The following HACD1 variants were observed in gnomAD, a reference collection of about 807,000 sequenced individuals.
HACD1 encodes very-long-chain (3R)-3-hydroxyacyl-CoA dehydratase 1.
In HACD1, 41 loss-of-function variants were observed where a neutral mutation model predicts 32.0. That is an observed-to-expected ratio of 1.28 (90% CI 1.00 to 1.66). HACD1 has a LOEUF of 1.66. Among genes scored for constraint, HACD1 ranks in the 40% most tolerant of loss-of-function variants. The pLI is 0.00. For missense variants in HACD1, 396 were observed against 380.1 expected (o/e 1.04, Z -0.35); for synonymous variants, 142 against 139.0 (o/e 1.02, Z -0.15).
At chr10:17,592,171 G>A (rs897110490) in intron 6 of HACD1, among the ~76,000 whole-genome samples, 27 of 151,428 alleles carry the variant, frequency 1.8e-4, no homozygotes, top group African/African-American at 6.1e-4. Flanking sequence ...TAGTAGAGAC[G>A]GGGTTTCACC....
At chr10:17,604,937 C>T (rs539158449) in intron 1 of HACD1, among the ~76,000 whole-genome samples, 2 of 152,272 alleles carry the variant, frequency 1.3e-5, no homozygotes, top group East Asian at 1.9e-4. Flanking sequence ...AACTCCTGAA[C>T]TCAAGTGATC....
At position 17,590,385 on chromosome 10, in the gene HACD1, C is replaced by G; in HGVS notation, c.846G>C (p.Val282=). The G allele has an allele frequency of 1.2e-6, 2 of 1,600,016 alleles. No individual in the cohort carries two copies. The highest frequency in any genetic ancestry group is 1.7e-6 in the Non-Finnish European group (2 of 1,170,452). ...RQRRKVLHGE[V]IVEKDD ...TCATTTAATCATCCTTTTCTACAAT[C>G]ACCTCTCCATGAAGCACCTTTCTTC... The change falls in exon 7 of 7, where the codon GTG becomes GTC. Residue 282 remains valine (V), a synonymous_variant. Transcript: ENST00000361271.
At chr10:17,603,703 A>T (rs782105070) in intron 3 of HACD1, 23 bp downstream of exon 3, 1 of 1,604,740 alleles carries the variant, frequency 6.2e-7, no homozygotes, top group South Asian at 1.1e-5. Context: ...TAATAAAAGT[A>T]TAAAATTGAA....
intron 1 of HACD1, among the ~76,000 whole-genome samples, 177 bp downstream of exon 1, chr10:17,616,901 GGGCCC>G (rs1323780589): frequency 6.6e-6 from 1 of 152,052 alleles, no homozygotes; most frequent in Non-Finnish European, 1.5e-5. Context: ...CAGGCGCGCA[GGGCCC>G]GGCCCCCCCG....
rs531344165 is a variant in HACD1, at chr10:17,616,560, C to T, written c.257+523G>A. Among the ~76,000 whole-genome samples the T allele has an allele frequency of 7.9e-5, 12 of 151,464 alleles. 1 individual carries two copies. In the South Asian group the frequency reaches 2.3e-3, roughly 29 times the overall value. On this transcript the variant is annotated intron_variant, in intron 1 of 6. Transcript: ENST00000361271. ...CACGGAGCCTGAGGCCATAAAGATG[C>T]TGGGCAGGAGCTCCACGCTGGGATA...
intron 1 of HACD1, among the ~76,000 whole-genome samples, chr10:17,609,349 T>C (rs1554817295): frequency 6.6e-6 from 1 of 151,726 alleles, no homozygotes; most frequent in Non-Finnish European, 1.5e-5. Context: ...GAAATGGGGT[T>C]TCACCGTGTT....
chr10:17,592,776 G>GCATC (rs1345322998), intron 6 of HACD1, among the ~76,000 whole-genome samples: 1 of 152,166 alleles, frequency 6.6e-6, no homozygotes, highest in Admixed American at 6.6e-5. Context: ...AATAGAGTAG[G>GCATC]CATCCCCTCC....
At chr10:17,605,527 GAAAAA>G (rs200314155) in intron 1 of HACD1, among the ~76,000 whole-genome samples, 1 of 126,552 alleles carries the variant, frequency 7.9e-6, no homozygotes, top group African/African-American at 2.9e-5. Flanking sequence ...TCCATCTCGG[GAAAAA>G]AAAAAAAAAA....
chr10:17,597,368 C>A (rs1364647487), intron 5 of HACD1, among the ~76,000 whole-genome samples: 1 of 152,170 alleles, frequency 6.6e-6, no homozygotes, highest in Non-Finnish European at 1.5e-5. Context: ...GAACTCCTGA[C>A]CTCAAGTGAT....
At chr10:17,609,844 C>T (rs1200381129) in intron 1 of HACD1, among the ~76,000 whole-genome samples, 1 of 151,874 alleles carries the variant, frequency 6.6e-6, no homozygotes, top group Non-Finnish European at 1.5e-5. Context: ...ATTAGCCAGG[C>T]ATGGTGGTGC....
At chr10:17,603,694 A>G in intron 3 of HACD1, 32 bp downstream of exon 3, 1 of 1,603,912 alleles carries the variant, frequency 6.2e-7, no homozygotes, top group South Asian at 1.1e-5. Flanking sequence ...GGCAATTTAT[A>G]ATAAAAGTAT....
At chr10:17,604,704 C>T (rs7917274) in intron 1 of HACD1, among the ~76,000 whole-genome samples, 1,777 of 152,060 alleles carry the variant, frequency 0.012, 29 homozygotes, top group African/African-American at 0.04. Flanking sequence ...TAACAAAGAA[C>T]AATTATTGGC....
chr10:17,613,988 G>C (rs1436761843), intron 1 of HACD1, among the ~76,000 whole-genome samples: 2 of 152,232 alleles, frequency 1.3e-5, no homozygotes, highest in Admixed American at 6.5e-5. Flanking sequence ...CAGATAGCCT[G>C]AATCCCTTAG....
chr10:17,614,448 G>T (rs1487001425), intron 1 of HACD1, among the ~76,000 whole-genome samples: 2 of 148,970 alleles, frequency 1.3e-5, no homozygotes, highest in African/African-American at 5.0e-5. Context: ...ATAGAGACGG[G>T]GTTTTGCCAT....
intron 6 of HACD1, among the ~76,000 whole-genome samples, chr10:17,592,461 A>G (rs1485744673): frequency 6.7e-6 from 1 of 149,218 alleles, no homozygotes; most frequent in Non-Finnish European, 1.5e-5. Context: ...GGAGGGAATT[A>G]AAAAAAAATG....
intron 4 of HACD1, among the ~76,000 whole-genome samples, chr10:17,600,409 G>A (rs142390133): frequency 6.6e-6 from 1 of 151,958 alleles, no homozygotes; most frequent in Non-Finnish European, 1.5e-5. Context: ...GCATGATCTC[G>A]GCTCACTGCA....
Position 17,594,376 on chromosome 10 carries a change from A to T in HACD1, c.613T>A (p.Phe205Ile), listed in dbSNP as rs1833968295. 1 of 1,464,780 alleles carries T rather than the reference A, an allele frequency of 6.8e-7. No individual in the cohort carries two copies. Among genetic ancestry groups the T allele is most frequent in the Non-Finnish European group, 9.1e-7 (1 of 1,101,828 alleles). 90.7% of individuals were successfully genotyped at this position (1,464,780 alleles called of 1,614,324 possible). A position where few individuals can be genotyped will look rare whatever the true frequency, so the allele number is the denominator to read the frequency against. Residue 205 changes from phenylalanine (F) to isoleucine (I), a missense_variant, in exon 6 of 7, where the codon TTT (phenylalanine) becomes ATT (isoleucine). Physicochemically the swap from Phe to Ile is conservative, Grantham distance 21 (BLOSUM62 0). Coordinates refer to ENST00000361271, the MANE Select transcript of HACD1 (RefSeq NM_014241.4). ...CCAACAGGATATAAGATGATAAAAA[A>T]ATTATATCTGGAGAAAGAAAAACCT... The part of the protein sequence containing the change: ...PYFIKWARYN[F>I]FIILYPVGVA...
chr10:17,614,526 A>T (rs1833042968), intron 1 of HACD1, among the ~76,000 whole-genome samples: 1 of 151,662 alleles, frequency 6.6e-6, no homozygotes. Context: ...TACAGACGTG[A>T]GCCACCGTGC....
In HACD1 at chr10:17,594,860, G is replaced by T. The variant is rs1447362362; in HGVS notation, c.606-477C>A. On this transcript the variant is annotated intron_variant, in intron 5 of 6. Transcript: ENST00000361271. ...CTAATTTTTGGTGTTTTTTTTTTTT[G>T]TTTTTTGTTTTTTTTTGAGATGGAG... Among the ~76,000 whole-genome samples the T allele has an allele frequency of 5.8e-3, 809 of 139,034 alleles. 9 individuals carry two copies. The highest frequency in any genetic ancestry group is 8.6e-3 in the Non-Finnish European group (549 of 64,136). 91.2% of individuals were successfully genotyped at this position (139,034 alleles called of 152,430 possible).
Sources: gnomAD v4.1 joint callset for allele counts (sites outside exome capture counted in the v4.1 genomes callset) on GRCh38, gnomAD v4.1.1 for gene constraint, MANE v1.5 for transcripts, NCBI Gene and HGNC (gene_info 2026-07-23, HGNC 2026-07-21) for gene names.